PCDH15: variants seen among roughly 807,000 people sequenced by gnomAD.
The protein encoded by PCDH15 is protocadherin-15.
In PCDH15, 129 loss-of-function variants were observed where a neutral mutation model predicts 178.5. The ratio of observed to expected loss-of-function variants is 0.72; its 90% CI spans 0.63 to 0.84. The LOEUF is 0.84. PCDH15 is among the 40% of genes least tolerant of loss of function. The pLI is 0.00. For missense variants in PCDH15, 2,230 were observed against 2,099.9 expected, an observed-to-expected ratio of 1.06 and a Z score of -1.21; for synonymous variants, 800 against 732.0, an observed-to-expected ratio of 1.09 and a Z score of -1.50.
At chr10:54,033,404 T>A (rs185295383) in intron 18 of PCDH15, among the ~76,000 whole-genome samples, 1 of 152,076 alleles carries the variant, frequency 6.6e-6, no homozygotes, top group Admixed American at 6.6e-5. Context: ...CAAAACCTGA[T>A]TTTCCACATT....
At chr10:55,086,549 CA>C (rs1477922449) in intron 2 of PCDH15, among the ~76,000 whole-genome samples, 1 of 151,914 alleles carries the variant, frequency 6.6e-6, no homozygotes, top group Non-Finnish European at 1.5e-5. Flanking sequence ...ACACATCTAC[CA>C]GAGCTAAATC....
intron 13 of PCDH15, among the ~76,000 whole-genome samples, chr10:54,174,773 T>C (rs539402282): frequency 7.0e-6 from 1 of 143,772 alleles, no homozygotes; most frequent in East Asian, 2.0e-4. Flanking sequence ...TGGCGCGATC[T>C]TGGCTCACTG....
chr10:53,850,617 T>C (rs2078294195), intron 28 of PCDH15, among the ~76,000 whole-genome samples: 1 of 152,152 alleles, frequency 6.6e-6, no homozygotes, highest in Non-Finnish European at 1.5e-5. Flanking sequence ...GTAGGATTTA[T>C]TATTATATTT....
chr10:54,544,921 G>A, intron 2 of PCDH15, among the ~76,000 whole-genome samples: 1 of 152,114 alleles, frequency 6.6e-6, no homozygotes, highest in East Asian at 1.9e-4. Flanking sequence ...TTGGTAATAT[G>A]TCTATCATCA....
intron 3 of PCDH15, among the ~76,000 whole-genome samples, chr10:54,822,765 C>T (rs1026990823): frequency 6.6e-6 from 1 of 151,890 alleles, no homozygotes; most frequent in Non-Finnish European, 1.5e-5. Flanking sequence ...GGAATACTTC[C>T]CTTCCTTTAC....
chr10:55,135,926 C>A (rs1390581648), intron 2 of PCDH15, among the ~76,000 whole-genome samples: 5 of 152,086 alleles, frequency 3.3e-5, no homozygotes, highest in Non-Finnish European at 7.4e-5. Flanking sequence ...TATATAGCAT[C>A]TTGAATCTGA....
chr10:54,346,868 A>T (rs1943379261), intron 5 of PCDH15, among the ~76,000 whole-genome samples: 1 of 152,242 alleles, frequency 6.6e-6, no homozygotes, highest in Admixed American at 6.5e-5. Context: ...TTAGTTTAAA[A>T]TAAACGATTT....
At chr10:54,941,116 A>C (rs1838052138) in intron 2 of PCDH15, among the ~76,000 whole-genome samples, 1 of 152,020 alleles carries the variant, frequency 6.6e-6, no homozygotes, top group South Asian at 2.1e-4. Flanking sequence ...ATTTTCATTA[A>C]GTAAATACTT....
chr10:55,621,282 C>T (rs1327127810), intron 2 of PCDH15, among the ~76,000 whole-genome samples: 1 of 152,114 alleles, frequency 6.6e-6, no homozygotes, highest in Non-Finnish European at 1.5e-5. Context: ...TTTATAGAAG[C>T]ATTTTGAGTG....
At chr10:54,857,453 CTT>C (rs529128753) in intron 3 of PCDH15, among the ~76,000 whole-genome samples, 1 of 151,648 alleles carries the variant, frequency 6.6e-6, no homozygotes, top group Non-Finnish European at 1.5e-5. Context: ...GATTTAAATA[CTT>C]TTTTTTGACA....
rs1555182951 is a variant in PCDH15 at position 54,756,089 on chromosome 10, A to ACACACT, written c.-29+44835_-29+44836insAGTGTG. On this transcript the variant is annotated intron_variant, in intron 1 of 37. Coordinates refer to ENST00000644397, the MANE Select transcript of PCDH15 (RefSeq NM_001384140.1). ...CACACACACACACACACACACACACACACACACAAAATTAGCTGGGCATGG... is the reference window on the plus strand; with the variant it reads ...CACACACACACACACACACACACACACACACTCACACACAAAATTAGCTGGGCATGG... Among the ~76,000 whole-genome samples the ACACACT allele has an allele frequency of 2.2e-3, 329 of 148,330 alleles. 1 individual carries two copies. The highest frequency in any genetic ancestry group is 3.9e-3 in the East Asian group (19 of 4,834).
intron 1 of PCDH15, among the ~76,000 whole-genome samples, chr10:54,767,579 C>T (rs150527894): frequency 1.1e-4 from 16 of 152,114 alleles, no homozygotes; most frequent in East Asian, 3.9e-4. Flanking sequence ...TTGAGAAATC[C>T]GACAAGTCCT....
chr10:55,543,393 G>A (rs868244368), intron 2 of PCDH15, among the ~76,000 whole-genome samples: 1 of 101,572 alleles, frequency 9.8e-6, no homozygotes, highest in Non-Finnish European at 2.1e-5. Context: ...ATATATATAT[G>A]TATATATAAA....
At chr10:54,140,402 G>C (rs190408491) in intron 14 of PCDH15, among the ~76,000 whole-genome samples, 71 of 151,794 alleles carry the variant, frequency 4.7e-4, no homozygotes, top group African/African-American at 1.6e-3. Flanking sequence ...TTTTGGCTCT[G>C]GGTAACACTG....
chr10:54,848,236 A>C, intron 3 of PCDH15, among the ~76,000 whole-genome samples: 1 of 152,072 alleles, frequency 6.6e-6, no homozygotes, highest in East Asian at 1.9e-4. Flanking sequence ...TAGAAAAATT[A>C]GCTGGGCATG....
chr10:54,036,739 G>T (rs1203697410), intron 18 of PCDH15, among the ~76,000 whole-genome samples: 1 of 151,756 alleles, frequency 6.6e-6, no homozygotes, highest in Non-Finnish European at 1.5e-5. Flanking sequence ...TAAATTTGAG[G>T]TTTTCATCTT....
At chr10:54,785,165 T>G (rs1950732569) in intron 1 of PCDH15, among the ~76,000 whole-genome samples, 1 of 151,970 alleles carries the variant, frequency 6.6e-6, no homozygotes, top group East Asian at 1.9e-4. Flanking sequence ...ATGCCTTTCT[T>G]TTTTACTCTT....
At chr10:54,135,573 C>T (rs1339698857) in intron 14 of PCDH15, among the ~76,000 whole-genome samples, 1 of 152,162 alleles carries the variant, frequency 6.6e-6, no homozygotes, top group East Asian at 1.9e-4. Flanking sequence ...AGAAGCAGCC[C>T]CAAGATGTAA....
At chr10:55,430,043 T>C (rs1838846183) in intron 2 of PCDH15, among the ~76,000 whole-genome samples, 1 of 152,212 alleles carries the variant, frequency 6.6e-6, no homozygotes, top group African/African-American at 2.4e-5. Context: ...GAATTTGTTA[T>C]AGGTATGTAA....
Sources: gnomAD v4.1 joint callset for allele counts (sites outside exome capture counted in the v4.1 genomes callset) on GRCh38, gnomAD v4.1.1 for gene constraint, MANE v1.5 for transcripts, NCBI Gene and HGNC (gene_info 2026-07-23, HGNC 2026-07-21) for gene names.